The following SCML4 variants were observed in gnomAD, a reference collection of about 807,000 sequenced individuals.
SCML4 encodes the protein sex comb on midleg-like protein 4.
SCML4 carries 34 observed loss-of-function variants against 41.1 expected under a neutral mutation model. The observed-to-expected ratio is 0.83, with a 90% CI of 0.63 to 1.10. SCML4 has a LOEUF of 1.10. SCML4 is among the 50% of genes least tolerant of loss of function. The probability of loss-of-function intolerance (pLI) is 0.00; values close to 1 mark genes in which losing one functional copy is unlikely to be tolerated. For missense variants in SCML4, 522 were observed against 534.1 expected (o/e 0.98, Z 0.22); for synonymous variants, 214 against 220.9 (o/e 0.97, Z 0.28).
At chr6:107,766,747 A>G (rs1051466507) in intron 2 of SCML4, among the ~76,000 whole-genome samples, 1 of 152,164 alleles carries the variant, frequency 6.6e-6, no homozygotes, top group Non-Finnish European at 1.5e-5. Flanking sequence ...TAGGCAACAG[A>G]AGACTCAGGG....
rs374529178 is a variant in SCML4 at position 107,746,347 on chromosome 6, G to A, written c.487+342C>T. 4 of 236,768 alleles carry A rather than the reference G, an allele frequency of 1.7e-5. No homozygotes were observed. The East Asian group carries it at 2.9e-4, about 17-fold the overall frequency. 14.7% of individuals were successfully genotyped at this position (236,768 alleles called of 1,614,324 possible). A position where few individuals can be genotyped will look rare whatever the true frequency, so the allele number is the denominator to read the frequency against. On this transcript the variant is annotated intron_variant, in intron 4 of 7. Transcript: ENST00000369020. Reference sequence around the variant, plus strand: ...GGGAGGTTGCTGTGGGTGGTGAAAGGTGGTTGGACTCCGGGTATATTTTGA... The same window carrying A: ...GGGAGGTTGCTGTGGGTGGTGAAAGATGGTTGGACTCCGGGTATATTTTGA...
intron 1 of SCML4, among the ~76,000 whole-genome samples, chr6:107,784,362 T>A (rs548849820): frequency 6.6e-6 from 1 of 152,250 alleles, no homozygotes; most frequent in African/African-American, 2.4e-5. Flanking sequence ...AGCAGAATCA[T>A]GGATAAAAGA....
chr6:107,839,290 T>C, the SCML4 span, among the ~76,000 whole-genome samples: 1 of 132,546 alleles, frequency 7.5e-6, no homozygotes, highest in African/African-American at 2.9e-5. Flanking sequence ...ACAGACCCTG[T>C]CAAAAGAAAA....
At chr6:107,841,293 CTAAA>C in the SCML4 span, among the ~76,000 whole-genome samples, 2 of 152,154 alleles carry the variant, frequency 1.3e-5, no homozygotes, top group Non-Finnish European at 2.9e-5. Flanking sequence ...GACCTCATTT[CTAAA>C]TAAATAAATA....
chr6:107,800,955 C>T (rs1011820654), intron 1 of SCML4, among the ~76,000 whole-genome samples: 1 of 152,256 alleles, frequency 6.6e-6, no homozygotes, highest in Non-Finnish European at 1.5e-5. Flanking sequence ...TGTCCATTGA[C>T]AAGAGTCCGA....
chr6:107,837,285 G>A, the SCML4 span, among the ~76,000 whole-genome samples: 4 of 152,120 alleles, frequency 2.6e-5, no homozygotes, highest in African/African-American at 9.7e-5. Flanking sequence ...CTCCTCCTGG[G>A]TTTATGAAAT....
intron 1 of SCML4, among the ~76,000 whole-genome samples, chr6:107,802,890 C>T (rs1331635269): frequency 6.6e-6 from 1 of 151,886 alleles, no homozygotes; most frequent in African/African-American, 2.4e-5. Context: ...ATTGCAGTCG[C>T]GCGCCGCCAC....
the SCML4 span, among the ~76,000 whole-genome samples, chr6:107,841,541 T>C: frequency 6.6e-6 from 1 of 152,166 alleles, no homozygotes; most frequent in Non-Finnish European, 1.5e-5. Context: ...TGGACTCAAA[T>C]CCAGGCAGTA....
At chr6:107,763,735 C>T (rs1300707767) in intron 2 of SCML4, among the ~76,000 whole-genome samples, 1 of 152,208 alleles carries the variant, frequency 6.6e-6, no homozygotes, top group African/African-American at 2.4e-5. Flanking sequence ...AGCTTGCTCG[C>T]TGTCTCCACC....
intron 1 of SCML4, among the ~76,000 whole-genome samples, chr6:107,774,941 G>A: frequency 6.6e-6 from 1 of 151,632 alleles, no homozygotes. Flanking sequence ...GTTGCAGTGA[G>A]CTAAGATCGC....
intron 6 of SCML4, among the ~76,000 whole-genome samples, chr6:107,713,225 T>C (rs1361461190): frequency 2.6e-5 from 4 of 152,204 alleles, no homozygotes; most frequent in African/African-American, 9.7e-5. Flanking sequence ...CACTCATTCA[T>C]AATTCAGGAG....
chr6:107,844,273 G>C, the SCML4 span, among the ~76,000 whole-genome samples: 1 of 152,186 alleles, frequency 6.6e-6, no homozygotes, highest in South Asian at 2.1e-4. Flanking sequence ...GCCAAGGACG[G>C]AAGGCAGAAA....
chr6:107,720,837 C>G lies in SCML4; in HGVS notation c.839G>C (p.Gly280Ala). ...ACCAGCGGTGGCAGCAGGACCACCC[C>G]CAAGGTGGCTGTCTCCAGAGTTCTG... ...KRQNSGDSHL[G>A]GGPAATAGGP... The change falls in exon 6 of 8, where the codon GGG becomes GCG. Residue 280 changes from glycine (G) to alanine (A), a missense_variant. Physicochemically the swap from Gly to Ala is moderately conservative, Grantham distance 60. Coordinates refer to ENST00000369020, the MANE Select transcript of SCML4 (RefSeq NM_198081.5). 6.2e-7 allele frequency: 1 copy of G among 1,614,106 alleles called. No homozygotes were observed. The highest frequency in any genetic ancestry group is 1.3e-5 in the African/African-American group (1 of 75,050).
At chr6:107,776,328 T>C (rs1780943114) in intron 1 of SCML4, among the ~76,000 whole-genome samples, 1 of 152,170 alleles carries the variant, frequency 6.6e-6, no homozygotes, top group African/African-American at 2.4e-5. Context: ...TTTTTACCAT[T>C]GAAACTAATA....
intron 6 of SCML4, among the ~76,000 whole-genome samples, chr6:107,717,008 G>C (rs1774874441): frequency 6.6e-6 from 1 of 151,946 alleles, no homozygotes; most frequent in Admixed American, 6.6e-5. Flanking sequence ...CTGGTTAAAA[G>C]GAATCTTTCG....
chr6:107,765,785 C>A (rs967181408), intron 2 of SCML4, among the ~76,000 whole-genome samples: 7 of 152,158 alleles, frequency 4.6e-5, no homozygotes, highest in Non-Finnish European at 7.3e-5. Context: ...GATGTGAATT[C>A]ATTGGTGGCT....
intron 5 of SCML4, among the ~76,000 whole-genome samples, chr6:107,735,099 C>A (rs1437556916): frequency 6.6e-6 from 1 of 152,198 alleles, no homozygotes; most frequent in Non-Finnish European, 1.5e-5. Context: ...TGGTTTCAAA[C>A]TCCTGGCCTC....
chr6:107,839,138 C>A, the SCML4 span, among the ~76,000 whole-genome samples: 1 of 151,692 alleles, frequency 6.6e-6, no homozygotes, highest in South Asian at 2.1e-4. Flanking sequence ...TACAAAAATA[C>A]AAAAATGAGC....
chr6:107,762,071 T>A lies in SCML4; in HGVS notation c.156+10101A>T, dbSNP rs377597323. ...GGGGCTAAAAAAGAAAAAATTAAAA[T>A]GCATGGCAACAATAATATATAAGTG... On this transcript the variant is annotated intron_variant, in intron 2 of 7. Transcript: ENST00000369020. Among the ~76,000 whole-genome samples, 558 of 152,192 alleles carry A rather than the reference T, an allele frequency of 3.7e-3. 5 individuals are homozygous for A. Among genetic ancestry groups the A allele is most frequent in the African/African-American group, 0.011 (454 of 41,550 alleles).
Sources: gnomAD v4.1 joint callset for allele counts (sites outside exome capture counted in the v4.1 genomes callset) on GRCh38, gnomAD v4.1.1 for gene constraint, MANE v1.5 for transcripts, NCBI Gene and HGNC (gene_info 2026-07-23, HGNC 2026-07-21) for gene names.